Variants in GUCY2D observed in about 807,000 individuals in gnomAD.
GUCY2D encodes retinal guanylyl cyclase 1.
Under a neutral mutation model 101.3 loss-of-function variants are expected in GUCY2D, and 70 were observed. The ratio of observed to expected loss-of-function variants is 0.69; its 90% CI spans 0.57 to 0.84. GUCY2D has a LOEUF of 0.84. Among genes scored for constraint, GUCY2D ranks in the 40% least tolerant of loss-of-function variants. GUCY2D has a pLI of 0.00. For synonymous variants in GUCY2D, 688 were observed against 670.7 expected (o/e 1.03, Z -0.40); for missense variants, 1,460 against 1,542.5 (o/e 0.95, Z 0.90).
rs1165391528 is a variant in GUCY2D at position 8,013,434 on chromosome 17, G to A, written c.2263+182G>A. 1.5e-5 allele frequency: 10 copies of A among 676,516 alleles called. No individual in the cohort carries two copies. The highest frequency in any genetic ancestry group is 6.5e-5 in the South Asian group (4 of 61,474). The allele number at this position is 676,516 out of a possible 1,614,324, so 41.9% of individuals were successfully genotyped here. A position where few individuals can be genotyped will look rare whatever the true frequency, so the allele number is the denominator to read the frequency against. On this transcript the variant is annotated intron_variant, in intron 11 of 19. Coordinates refer to ENST00000254854, the MANE Select transcript of GUCY2D (RefSeq NM_000180.4). The surrounding 1 kb of genome is among the most constrained non-coding windows in gnomAD (Gnocchi z 5.0). ...GCCGTGCATGGCCAGGGTGGGGAGC[G>A]TGGTTCATTAGGTCCCAGACCACAA...
chr17:8,007,699 CAG>C (rs1975772985), intron 6 of GUCY2D, among the ~76,000 whole-genome samples, 171 bp downstream of exon 6: 3 of 152,198 alleles, frequency 2.0e-5, no homozygotes, highest in African/African-American at 7.2e-5. Context: ...ATGAGGGTAA[CAG>C]TACCTGTCCT....
intron 17 of GUCY2D, 69 bp downstream of exon 17, chr17:8,016,090 G>A (rs371677282): frequency 5.5e-6 from 8 of 1,441,630 alleles, no homozygotes; most frequent in Admixed American, 1.9e-5. Context: ...CCCGGGCCGC[G>A]GCTGCAAACC....
At chr17:8,008,387 T>C (rs532153534) in intron 7 of GUCY2D, among the ~76,000 whole-genome samples, 1 of 152,244 alleles carries the variant, frequency 6.6e-6, no homozygotes, top group Non-Finnish European at 1.5e-5. Flanking sequence ...GGTCAGAGCC[T>C]CTGGCCCTGC....
rs1975973846 is a variant in GUCY2D, at chr17:8,016,296, G to A, written c.3224+6G>A. 4 of 1,558,254 alleles carry A rather than the reference G, an allele frequency of 2.6e-6. No individual in the cohort carries two copies. Among genetic ancestry groups the A allele is most frequent in the Non-Finnish European group, 2.6e-6 (3 of 1,148,658 alleles). ...CCGCCTGACCTGCAACCGGGGTGAG[G>A]GGCCGGCCTCCGCGGCAGGGCGAGG... is the stretch of plus-strand genomic sequence containing the variant. On this transcript the variant is annotated splice_donor_region_variant and intron_variant, in intron 18 of 19. Coordinates refer to ENST00000254854, the MANE Select transcript of GUCY2D (RefSeq NM_000180.4).
rs1975885989 is a variant in GUCY2D at position 8,013,005 on chromosome 17, AGGCTGCAG to A, written c.2114-95_2114-88del. On this transcript the variant is annotated intron_variant, in intron 10 of 19. Coordinates refer to ENST00000254854, the MANE Select transcript of GUCY2D (RefSeq NM_000180.4). This position sits in a 1 kb window ranked among gnomAD's most constrained non-coding sequence, Gnocchi z 5.0. Reference sequence around the variant, plus strand: ...GGTTGCAGGGTCTCAGACCGGTCTCAGGCTGCAGGGTTGGTGGTGTCTGGGTGCCAACC... The same window carrying A: ...GGTTGCAGGGTCTCAGACCGGTCTCAGGTTGGTGGTGTCTGGGTGCCAACC... 9.0e-7 allele frequency: 1 copy of A among 1,107,970 alleles called. No homozygotes were observed. Among genetic ancestry groups the A allele is most frequent in the African/African-American group, 1.5e-5 (1 of 65,556 alleles). 68.6% of individuals were successfully genotyped at this position (1,107,970 alleles called of 1,614,324 possible). A position where few individuals can be genotyped will look rare whatever the true frequency, so the allele number is the denominator to read the frequency against.
intron 8 of GUCY2D, among the ~76,000 whole-genome samples, chr17:8,009,803 C>T (rs1031902969): frequency 6.6e-6 from 1 of 151,908 alleles, no homozygotes; most frequent in Non-Finnish European, 1.5e-5. Flanking sequence ...ATAAAGAAAC[C>T]CTATCTCTCC....
chr17:8,007,311 G>C, intron 5 of GUCY2D, 115 bp from the exon 6 acceptor site: 3 of 902,454 alleles, frequency 3.3e-6, no homozygotes, highest in Non-Finnish European at 5.6e-6. Flanking sequence ...CTTTGGGGAT[G>C]GCTGCCCTCC....
chr17:8,017,854 G>A (rs916990577), intron 19 of GUCY2D, among the ~76,000 whole-genome samples: 8 of 152,224 alleles, frequency 5.3e-5, no homozygotes, highest in African/African-American at 1.7e-4. Flanking sequence ...CACCACGCCC[G>A]GGTAATTTTT....
intron 5 of GUCY2D, 38 bp downstream of exon 5, chr17:8,007,182 T>G: frequency 2.7e-6 from 4 of 1,470,796 alleles, no homozygotes; most frequent in Non-Finnish European, 3.8e-6. Flanking sequence ...AGTGAGCTTG[T>G]GCCAGAAATG....
rs1975896541 is a variant in GUCY2D at position 8,013,394 on chromosome 17, G to A, written c.2263+142G>A. 1.5e-5 allele frequency: 13 copies of A among 869,170 alleles called. No individual in the cohort carries two copies. The South Asian group carries it at 1.7e-4, about 12-fold the overall frequency. 53.8% of individuals were successfully genotyped at this position (869,170 alleles called of 1,614,324 possible). The stretch of plus-strand genomic sequence containing the variant: ...GCCCCCTTAAAGCTGGCATCTGCAG[G>A]TCTGGGTGCAGAAAGCCGTGCATGG... On this transcript the variant is annotated intron_variant, in intron 11 of 19. Transcript: ENST00000254854. This position sits in a 1 kb window ranked among gnomAD's most constrained non-coding sequence, Gnocchi z 5.0.
In GUCY2D at chr17:8,008,842, G is replaced by A. The variant is rs187761992; in HGVS notation, c.1669-664G>A. 3.1e-3 allele frequency among the ~76,000 whole-genome samples: 478 copies of A among 152,280 alleles called. 6 individuals are homozygous for A. The highest frequency in any genetic ancestry group is 0.011 in the African/African-American group (457 of 41,546). ...ACATTTATTTCCAAATGCTCCTTAGGGGTCAGTACTAAACCCCAATTCCCT... is the reference window on the plus strand; with the variant it reads ...ACATTTATTTCCAAATGCTCCTTAGAGGTCAGTACTAAACCCCAATTCCCT... On this transcript the variant is annotated intron_variant, in intron 7 of 19. Transcript: ENST00000254854.
rs908880265 is a variant in GUCY2D, at chr17:8,013,094, C to T, written c.2114-9C>T. On this transcript the variant is annotated splice_polypyrimidine_tract_variant and intron_variant, in intron 10 of 19. Transcript: ENST00000254854. The surrounding 1 kb of genome is among the most constrained non-coding windows in gnomAD (Gnocchi z 5.0). ...CCCAGCGGCGCCTCAGCCCCTTCCC[C>T]ATCCCCAGACCAGCTGTGGACAGCC... The T allele has an allele frequency of 6.2e-7, 1 of 1,610,222 alleles. No individual in the cohort carries two copies. Among genetic ancestry groups the T allele is most frequent in the African/African-American group, 1.3e-5 (1 of 74,836 alleles).
In GUCY2D at chr17:8,014,035, G is replaced by A; in HGVS notation, c.2412+7G>A. ...GGACCACACCTTCGACCTGGTCAGGGGCTGGGAGTGGGCAAGGACTGGGCT... is the reference window on the plus strand; with the variant it reads ...GGACCACACCTTCGACCTGGTCAGGAGCTGGGAGTGGGCAAGGACTGGGCT... On this transcript the variant is annotated splice_region_variant and intron_variant, in intron 12 of 19. Transcript: ENST00000254854. The surrounding 1 kb of genome is among the most constrained non-coding windows in gnomAD (Gnocchi z 4.0). 1.9e-6 allele frequency: 3 copies of A among 1,611,536 alleles called. No individual in the cohort carries two copies. Among genetic ancestry groups the A allele is most frequent in the Non-Finnish European group, 2.5e-6 (3 of 1,179,470 alleles).
intron 10 of GUCY2D, among the ~76,000 whole-genome samples, 187 bp from the exon 11 acceptor site, chr17:8,012,916 G>T (rs941955240): frequency 2.0e-5 from 3 of 152,220 alleles, no homozygotes; most frequent in African/African-American, 7.2e-5. Context: ...TTTCTGAAGG[G>T]CAAGGCCTAT....
chr17:8,009,340 T>C (rs1331943078), intron 7 of GUCY2D, among the ~76,000 whole-genome samples, 166 bp from the exon 8 acceptor site: 1 of 152,148 alleles, frequency 6.6e-6, no homozygotes, highest in Non-Finnish European at 1.5e-5. Context: ...CAGATGGCTG[T>C]GAAGTGGATG....
In GUCY2D at chr17:8,014,899, C is replaced by G; in HGVS notation, c.2617C>G (p.Pro873Ala). 6.2e-7 allele frequency: 1 copy of G among 1,614,096 alleles called. No individual in the cohort carries two copies. The highest frequency in any genetic ancestry group is 8.5e-7 in the Non-Finnish European group (1 of 1,180,016). Residue 873 changes from proline (P) to alanine (A), a missense_variant, in exon 14 of 20, where the codon CCC (proline) becomes GCC (alanine). Physicochemically the swap from Pro to Ala is conservative, Grantham distance 27. Around this residue, in one of 3 missense-constraint regions of GUCY2D, gnomAD observed 1,196 missense variants for 1,229.6 expected, o/e 0.97. Transcript: ENST00000254854. The surrounding 1 kb of genome is among the most constrained non-coding windows in gnomAD (Gnocchi z 4.0). ...CTTGAAGACGGGGACACCAGTGGAG[C>G]CCGAGTACTTTGAGCAAGTGACACT... The part of the protein sequence containing the change: ...EALKTGTPVE[P>A]EYFEQVTLYF...
Position 8,013,211 on chromosome 17 carries a change from GC to G in GUCY2D, c.2224del (p.Arg742AlafsTer42). The G allele has an allele frequency of 6.2e-7, 1 of 1,614,138 alleles. No individual in the cohort carries two copies. The highest frequency in any genetic ancestry group is 8.5e-7 in the Non-Finnish European group (1 of 1,180,004). On this transcript the variant is annotated frameshift_variant, in exon 11 of 20. Coordinates refer to ENST00000254854, the MANE Select transcript of GUCY2D (RefSeq NM_000180.4). LOFTEE classifies it high-confidence loss of function. The surrounding 1 kb of genome is among the most constrained non-coding windows in gnomAD (Gnocchi z 5.0). Reference protein sequence around the residue: ...SLAIIMQEVVCRSAPYAMLEL... With the variant: ...SLAIIMQEVVXRSAPYAMLEL... ...GCCATCATCATGCAAGAAGTAGTGT[GC>G]CGCAGTGCCCCTTATGCCATGCTGG...
intron 14 of GUCY2D, 115 bp downstream of exon 14, chr17:8,015,166 A>G: frequency 9.0e-7 from 1 of 1,107,552 alleles, no homozygotes; most frequent in Non-Finnish European, 1.3e-6. Context: ...TCTTTCCCAG[A>G]CCTCCTGTCC....
intron 19 of GUCY2D, among the ~76,000 whole-genome samples, chr17:8,017,737 G>A (rs1266552573): frequency 6.6e-6 from 1 of 152,078 alleles, no homozygotes; most frequent in Non-Finnish European, 1.5e-5. Flanking sequence ...ACCCAGGCTG[G>A]AGTGCAGTGC....
Sources: allele counts gnomAD v4.1 joint callset (sites outside exome capture counted in the v4.1 genomes callset), GRCh38; gene constraint gnomAD v4.1.1; regional missense constraint gnomAD v4.1.1; non-coding constraint Gnocchi (gnomAD v3.1); transcripts MANE v1.5; gene names NCBI Gene and HGNC (gene_info 2026-07-23, HGNC 2026-07-21).